The following OR2L13 variants were observed in gnomAD, a reference collection of about 807,000 sequenced individuals.
The protein encoded by OR2L13 is olfactory receptor family 2 subfamily L member 13, also known as olfactory receptor 2L13.
A neutral mutation model predicts 15.3 loss-of-function variants in OR2L13; 14 were observed. The observed-to-expected ratio is 0.91, with a 90% confidence interval of 0.60 to 1.43. The LOEUF (loss-of-function observed/expected upper bound fraction) is 1.43, where lower values mean the gene tolerates loss of function less well. Among genes scored for constraint, OR2L13 ranks in the 40% most tolerant of loss-of-function variants. The pLI is 0.00. For synonymous variants in OR2L13, 152 were observed against 142.9 expected (o/e 1.06, Z -0.45); for missense variants, 367 against 387.9 (o/e 0.95, Z 0.45).
the OR2L13 span, among the ~76,000 whole-genome samples, chr1:247,972,227 A>T: frequency 6.6e-6 from 1 of 152,214 alleles, no homozygotes. Flanking sequence ...AGCAAGAGCA[A>T]ACAAATTCAA....
the OR2L13 span, among the ~76,000 whole-genome samples, chr1:248,086,961 A>G: frequency 2.6e-5 from 4 of 151,920 alleles, no homozygotes; most frequent in Non-Finnish European, 5.9e-5. Flanking sequence ...TGTTGTGTCT[A>G]TTAGTGTCAA....
chr1:247,992,097 TCTC>T, the OR2L13 span, among the ~76,000 whole-genome samples: 3 of 148,750 alleles, frequency 2.0e-5, no homozygotes, highest in African/African-American at 5.0e-5. Context: ...AAGACCAACC[TCTC>T]CTCCTCTTCC....
chr1:248,031,789 A>G, the OR2L13 span, among the ~76,000 whole-genome samples: 1 of 152,158 alleles, frequency 6.6e-6, no homozygotes, highest in Non-Finnish European at 1.5e-5. Context: ...ACAGTTAAGT[A>G]AGAGGTAGGG....
the OR2L13 span, among the ~76,000 whole-genome samples, chr1:247,994,532 GA>G: frequency 6.6e-6 from 1 of 152,066 alleles, no homozygotes; most frequent in Non-Finnish European, 1.5e-5. Context: ...AATACTACAT[GA>G]TCTTACTTAT....
At chr1:248,038,795 T>C in the OR2L13 span, 18 of 1,614,100 alleles carry the variant, frequency 1.1e-5, no homozygotes, top group Non-Finnish European at 1.4e-5. Flanking sequence ...TCAATCATTT[T>C]TTCTGTGATG....
the OR2L13 span, among the ~76,000 whole-genome samples, chr1:248,088,280 G>A: frequency 6.6e-6 from 1 of 151,854 alleles, no homozygotes; most frequent in Non-Finnish European, 1.5e-5. Context: ...AAATCTGAAG[G>A]TGAATTTCGA....
At chr1:248,073,182 T>A in the OR2L13 span, among the ~76,000 whole-genome samples, 1 of 152,188 alleles carries the variant, frequency 6.6e-6, no homozygotes, top group Non-Finnish European at 1.5e-5. Context: ...CACACGTATG[T>A]TTATTGTGTC....
the OR2L13 span, chr1:248,061,163 A>G: frequency 1.2e-6 from 2 of 1,613,162 alleles, no homozygotes; most frequent in Non-Finnish European, 1.7e-6. Flanking sequence ...CACACTGTAT[A>G]TGTACTCCAT....
chr1:248,099,632 C>T (rs201512312), exon 3 of OR2L13: 2 of 1,614,116 alleles, frequency 1.2e-6, no homozygotes, highest in East Asian at 4.5e-5. Context: ...AACTTCCTGT[C>T]CGGCCAGAAA....
chr1:248,039,556 G>A, the OR2L13 span: 427 of 167,314 alleles, frequency 2.6e-3, 1 homozygote, highest in African/African-American at 9.4e-3. Flanking sequence ...AGTTAGCTGC[G>A]ATTACAGGTG....
the OR2L13 span, among the ~76,000 whole-genome samples, chr1:248,074,167 T>C: frequency 6.6e-6 from 1 of 152,116 alleles, no homozygotes; most frequent in African/African-American, 2.4e-5. Context: ...GCCACAGATA[T>C]AAAGATACTT....
chr1:248,099,422 T>G, exon 3 of OR2L13: 5 of 1,614,012 alleles, frequency 3.1e-6, no homozygotes, highest in Non-Finnish European at 4.2e-6. Context: ...TTGTTGGGTC[T>G]GCTTCCCCCA....
chr1:247,990,221 C>G, the OR2L13 span: 3 of 698,694 alleles, frequency 4.3e-6, no homozygotes, highest in African/African-American at 3.5e-5. Context: ...TACTGTACTT[C>G]ACTTACCCTT....
chr1:247,981,615 G>A, the OR2L13 span, among the ~76,000 whole-genome samples: 1 of 152,204 alleles, frequency 6.6e-6, no homozygotes, highest in African/African-American at 2.4e-5. Flanking sequence ...AAGCAAATGA[G>A]CATAGTATGT....
upstream of OR2L13, among the ~76,000 whole-genome samples, chr1:248,094,773 A>G (rs191993160): frequency 1.3e-5 from 2 of 152,314 alleles, no homozygotes; most frequent in Admixed American, 1.3e-4. Flanking sequence ...GAAACTCACT[A>G]AAGAGTGGAC....
chr1:248,042,438 T>A, the OR2L13 span: 19 of 152,012 alleles, frequency 1.2e-4, no homozygotes, highest in Non-Finnish European at 2.6e-4. Flanking sequence ...TGCAGCAGCA[T>A]GGCTCATGTA....
the OR2L13 span, among the ~76,000 whole-genome samples, chr1:247,948,080 G>A: frequency 6.6e-6 from 1 of 152,064 alleles, no homozygotes; most frequent in Non-Finnish European, 1.5e-5. Flanking sequence ...AGGCATTGTG[G>A]CACGTGGCTG....
chr1:247,938,846 A>T, the OR2L13 span: 1 of 152,226 alleles, frequency 6.6e-6, no homozygotes, highest in Non-Finnish European at 1.5e-5. Flanking sequence ...GGTAAAGCCT[A>T]TCACAATCTA....
the OR2L13 span, among the ~76,000 whole-genome samples, chr1:248,060,472 CTT>C: frequency 6.6e-6 from 1 of 152,066 alleles, no homozygotes; most frequent in Non-Finnish European, 1.5e-5. Flanking sequence ...ATAAGTTACT[CTT>C]GTTTATCTCT....
Sources: allele counts gnomAD v4.1 joint callset (sites outside exome capture counted in the v4.1 genomes callset), GRCh38; gene constraint gnomAD v4.1.1; transcripts MANE v1.5; gene names NCBI Gene and HGNC (gene_info 2026-07-23, HGNC 2026-07-21).